BCOR: variants seen among roughly 807,000 people sequenced by gnomAD.
BCOR encodes the protein BCL6 corepressor, also known as BCL-6 corepressor.
A neutral mutation model predicts 86.7 loss-of-function variants in BCOR; 10 were observed. That is an observed-to-expected ratio of 0.12 (90% CI 0.07 to 0.20). The LOEUF is 0.20. Among genes scored for constraint, BCOR ranks in the 10% least tolerant of loss-of-function variants. The pLI is 1.00. For synonymous variants in BCOR, 611 were observed against 609.0 expected (o/e 1.00, Z -0.05); for missense variants, 1,259 against 1,452.1 (o/e 0.87, Z 2.16).
intron 1 of BCOR, among the ~76,000 whole-genome samples, chrX:40,173,069 C>G (rs1938664981): frequency 8.9e-6 from 1 of 112,184 alleles, no homozygotes; most frequent in African/African-American, 3.2e-5. Context: ...AAATGTTGGG[C>G]CTTCTAGTCT....
At chrX:40,169,583 C>G (rs1190381867) in intron 1 of BCOR, among the ~76,000 whole-genome samples, 2 of 110,744 alleles carry the variant, frequency 1.8e-5, no homozygotes, top group East Asian at 2.8e-4. Context: ...CACCCCACCC[C>G]CTCTTCAACC....
chrX:40,145,264 C>A (rs1183748901), intron 1 of BCOR, among the ~76,000 whole-genome samples: 2 of 111,840 alleles, frequency 1.8e-5, no homozygotes, highest in East Asian at 2.9e-4. Flanking sequence ...TGGGCCCACA[C>A]CCCTGGAACC....
chrX:40,168,551 A>G (rs2148024623), intron 1 of BCOR, among the ~76,000 whole-genome samples: 1 of 112,709 alleles, frequency 8.9e-6, no homozygotes, highest in Admixed American at 9.3e-5. Flanking sequence ...GTGCAGTGTC[A>G]TTATGGTGGC....
At chrX:40,078,167 T>C (rs983990032) in intron 1 of BCOR, among the ~76,000 whole-genome samples, 198 bp from the exon 2 acceptor site, 5 of 112,549 alleles carry the variant, frequency 4.4e-5, no homozygotes, top group Non-Finnish European at 9.4e-5. Context: ...GCAGCTTCCC[T>C]GGTAGGAGGT....
intron 1 of BCOR, among the ~76,000 whole-genome samples, chrX:40,171,230 C>T (rs942985743): frequency 8.9e-6 from 1 of 112,231 alleles, no homozygotes; most frequent in Admixed American, 9.4e-5. Context: ...GGAGGCAACC[C>T]CGACAGCCCA....
intron 1 of BCOR, among the ~76,000 whole-genome samples, chrX:40,118,837 T>C (rs1937437753): frequency 9.0e-6 from 1 of 111,717 alleles, no homozygotes. Context: ...GGAGACTCTG[T>C]TTTTGTTGTT....
intron 1 of BCOR, among the ~76,000 whole-genome samples, chrX:40,172,407 G>T (rs996024624): frequency 1.8e-5 from 2 of 112,890 alleles, no homozygotes; most frequent in African/African-American, 3.2e-5. Flanking sequence ...GCAGACCTTG[G>T]GGGGAAAGAG....
chrX:40,136,763 T>C (rs1937689186), intron 1 of BCOR, among the ~76,000 whole-genome samples: 2 of 112,062 alleles, frequency 1.8e-5, no homozygotes, highest in Non-Finnish European at 3.8e-5. Context: ...TTTACGTTCC[T>C]GTGTGCAGCT....
At chrX:40,068,660 A>T (rs1467320550) in intron 6 of BCOR, among the ~76,000 whole-genome samples, 1 of 112,351 alleles carries the variant, frequency 8.9e-6, no homozygotes, top group African/African-American at 3.2e-5. Flanking sequence ...AAAACTAAAA[A>T]CAAAAAGGAA....
At chrX:40,069,299 A>G (rs1013175651) in intron 6 of BCOR, among the ~76,000 whole-genome samples, 5 of 111,377 alleles carry the variant, frequency 4.5e-5, no homozygotes, top group African/African-American at 6.5e-5. Flanking sequence ...ATGGCTCATT[A>G]CCTGAGGAGC....
At chrX:40,133,370 T>G (rs1689871852) in intron 1 of BCOR, among the ~76,000 whole-genome samples, 2 of 111,035 alleles carry the variant, frequency 1.8e-5, no homozygotes, top group African/African-American at 6.6e-5. Flanking sequence ...ACTCCTGACC[T>G]CGTGATCCAC....
In BCOR at chrX:40,062,804, T is replaced by C; in HGVS notation, c.4115A>G (p.Glu1372Gly). Residue 1372 changes from glutamate to glycine, a missense_variant, in exon 9 of 15, where the codon GAG becomes GGG. By Grantham distance (98) the Glu-to-Gly change is moderately conservative (BLOSUM62 -2). Transcript: ENST00000378444. ...TGTCAGTGGCAATCCCCGCCTGGAC[T>C]CCTGAGGGATCAAGTGTTTGGTTTT... Reference protein sequence around the residue: ...LCKTKHLIPQESRRGLPLTGE... With the variant: ...LCKTKHLIPQGSRRGLPLTGE... 1.7e-6 allele frequency: 2 copies of C among 1,211,702 alleles called. No individual in the cohort carries two copies. Among genetic ancestry groups the C allele is most frequent in the African/African-American group, 3.5e-5 (2 of 57,773 alleles).
At chrX:40,101,887 T>C, upstream of BCOR, among the ~76,000 whole-genome samples, 1 of 112,520 alleles carries the variant, frequency 8.9e-6, no homozygotes, top group Admixed American at 9.4e-5. Flanking sequence ...AGATAATGTA[T>C]TTTTACATAA....
chrX:40,171,367 T>G (rs2148030987), intron 1 of BCOR, among the ~76,000 whole-genome samples: 1 of 112,385 alleles, frequency 8.9e-6, no homozygotes, highest in South Asian at 3.7e-4. Flanking sequence ...TTAAAGTGTT[T>G]CTGCAGACAG....
At chrX:40,152,913 G>C (rs1239379288) in intron 1 of BCOR, among the ~76,000 whole-genome samples, 1 of 113,214 alleles carries the variant, frequency 8.8e-6, no homozygotes, top group Non-Finnish European at 1.9e-5. Context: ...GGCGGGAGGA[G>C]ACAGGGAGAC....
chrX:40,059,439 C>T (rs1047402863), intron 10 of BCOR, among the ~76,000 whole-genome samples: 2 of 112,438 alleles, frequency 1.8e-5, no homozygotes, highest in Non-Finnish European at 3.8e-5. Context: ...CAATCAAGGG[C>T]CCTGGCTAGA....
chrX:40,154,964 G>GCA (rs746936819), intron 1 of BCOR, among the ~76,000 whole-genome samples: 4 of 111,218 alleles, frequency 3.6e-5, no homozygotes, highest in East Asian at 2.9e-4. Flanking sequence ...GGACACGCGC[G>GCA]CACACACACA....
At chrX:40,153,519 C>T (rs1286862171) in intron 1 of BCOR, among the ~76,000 whole-genome samples, 1 of 112,021 alleles carries the variant, frequency 8.9e-6, no homozygotes, top group Non-Finnish European at 1.9e-5. Flanking sequence ...ACCTTTCCTG[C>T]ATCCAAGGAA....
chrX:40,146,634 G>C (rs1938062515), intron 1 of BCOR: 1 of 112,328 alleles, frequency 8.9e-6, no homozygotes, highest in Non-Finnish European at 1.9e-5. Flanking sequence ...AATGGATTGC[G>C]GAAGATGCCT....
Sources: gnomAD v4.1 joint callset for allele counts (sites outside exome capture counted in the v4.1 genomes callset) on GRCh38, gnomAD v4.1.1 for gene constraint, MANE v1.5 for transcripts, NCBI Gene and HGNC (gene_info 2026-07-23, HGNC 2026-07-21) for gene names.